The following SCUBE1 variants were observed in gnomAD, a reference collection of about 807,000 sequenced individuals.
SCUBE1 encodes the protein signal peptide, CUB domain and EGF like domain containing 1.
Under a neutral mutation model 124.4 loss-of-function variants are expected in SCUBE1, and 59 were observed. The ratio of observed to expected loss-of-function variants is 0.47; its 90% confidence interval spans 0.38 to 0.59. SCUBE1 has a LOEUF of 0.59. Ranked by LOEUF, SCUBE1 falls within the 20% of genes least tolerant of loss-of-function variation. The probability of loss-of-function intolerance (pLI) is 0.00; values close to 1 mark genes in which losing one functional copy is unlikely to be tolerated. For missense variants in SCUBE1, 1,150 were observed against 1,371.2 expected (o/e 0.84, Z 2.55); for synonymous variants, 545 against 550.9 (o/e 0.99, Z 0.15).
intron 15 of SCUBE1, among the ~76,000 whole-genome samples, chr22:43,215,338 G>C (rs1028001107): frequency 6.6e-6 from 1 of 152,218 alleles, no homozygotes; most frequent in Non-Finnish European, 1.5e-5. Context: ...AGGGGAATCT[G>C]AGTCTATAGG....
intron 21 of SCUBE1, 67 bp from the exon 22 acceptor site, chr22:43,204,216 G>A (rs533175489): frequency 4.1e-6 from 6 of 1,461,670 alleles, no homozygotes; most frequent in Non-Finnish European, 5.7e-6. Context: ...GGTGTTGCCA[G>A]GCTGGGGGAG....
At chr22:43,272,967 G>C (rs1334951561) in intron 4 of SCUBE1, among the ~76,000 whole-genome samples, 6 of 152,204 alleles carry the variant, frequency 3.9e-5, no homozygotes, top group Non-Finnish European at 8.8e-5. Context: ...CCCACTTTCG[G>C]TCAAGCTCAG....
chr22:43,255,419 C>G lies in SCUBE1; in HGVS notation c.727+2800G>C, dbSNP rs1233185814. ...CCCATGTCCACATGCCAGTGCGCAC[C>G]CGAGACACACATGTGCACACACACA... On this transcript the variant is annotated intron_variant, in intron 6 of 21. Coordinates refer to ENST00000360835, the MANE Select transcript of SCUBE1 (RefSeq NM_173050.5). This position sits in a 1 kb window ranked among gnomAD's most constrained non-coding sequence, Gnocchi z 4.7. 7.3e-7 allele frequency: 1 copy of G among 1,363,670 alleles called. No homozygotes were observed. The highest frequency in any genetic ancestry group is 1.0e-6 in the Non-Finnish European group (1 of 977,208). 84.5% of individuals were successfully genotyped at this position (1,363,670 alleles called of 1,614,324 possible). A position where few individuals can be genotyped will look rare whatever the true frequency, so the allele number is the denominator to read the frequency against.
chr22:43,240,899 T>A (rs1443311359), intron 6 of SCUBE1, among the ~76,000 whole-genome samples: 1 of 152,182 alleles, frequency 6.6e-6, no homozygotes, highest in Non-Finnish European at 1.5e-5. Flanking sequence ...GTGCCTGTTT[T>A]CCAGGTGGAG....
intron 2 of SCUBE1, among the ~76,000 whole-genome samples, 165 bp from the exon 3 acceptor site, chr22:43,320,230 C>A (rs544746775): frequency 6.6e-6 from 1 of 152,182 alleles, no homozygotes; most frequent in African/African-American, 2.4e-5. Context: ...AAATGCTAAT[C>A]ATGTGTGGGG....
intron 12 of SCUBE1, among the ~76,000 whole-genome samples, chr22:43,222,328 CT>C (rs1922123180): frequency 6.6e-6 from 1 of 152,244 alleles, no homozygotes; most frequent in South Asian, 2.1e-4. Context: ...GCAGATGTGG[CT>C]TGCTCCACCC....
chr22:43,330,977 C>G (rs915067244), intron 2 of SCUBE1, among the ~76,000 whole-genome samples: 1 of 152,172 alleles, frequency 6.6e-6, no homozygotes, highest in African/African-American at 2.4e-5. Context: ...CGCCTACTGC[C>G]TTTCCTGGCC....
chr22:43,287,126 G>C (rs1309614393), intron 4 of SCUBE1, among the ~76,000 whole-genome samples: 4 of 152,302 alleles, frequency 2.6e-5, no homozygotes, highest in African/African-American at 9.6e-5. Flanking sequence ...GTGGGAGGTA[G>C]GGGGTGCTAT....
In SCUBE1 at chr22:43,214,204, C is replaced by T. The variant is rs751613545; in HGVS notation, c.1939G>A (p.Val647Met). 3 of 1,613,130 alleles carry T rather than the reference C, an allele frequency of 1.9e-6. No individual in the cohort carries two copies. The South Asian group carries it at 3.3e-5, about 18-fold the overall frequency. ...THFGGELGQC[V>M]SCMPGTYQDM... ...TGGTATGTTCCTGGCATACATGACA[C>T]ACACTGGCCGAGCTCACCACCGAAG... The change falls in exon 16 of 22, where the codon GTG becomes ATG. Residue 647 changes from valine (V) to methionine (M), a missense_variant. By Grantham distance (21) the Val-to-Met change is conservative. Around this residue, in one of 3 missense-constraint regions of SCUBE1, gnomAD observed 757 missense variants for 840.9 expected, o/e 0.90. Coordinates refer to ENST00000360835, the MANE Select transcript of SCUBE1 (RefSeq NM_173050.5).
chr22:43,203,937 T>G lies in SCUBE1; in HGVS notation c.*60A>C. On this transcript the variant is annotated 3_prime_UTR_variant, in exon 22 of 22. Coordinates refer to ENST00000360835, the MANE Select transcript of SCUBE1 (RefSeq NM_173050.5). The stretch of plus-strand genomic sequence containing the variant: ...GTGGAGGCCCATGCAGCTCCCACTG[T>G]GGAGGGCAGGTGCACCCTCCGCGGA... 6.4e-6 allele frequency: 10 copies of G among 1,559,800 alleles called. No individual in the cohort carries two copies. Among genetic ancestry groups the G allele is most frequent in the Non-Finnish European group, 8.8e-6 (10 of 1,135,292 alleles).
intron 3 of SCUBE1, among the ~76,000 whole-genome samples, chr22:43,303,813 G>A (rs1925863298): frequency 6.6e-6 from 1 of 152,230 alleles, no homozygotes. Flanking sequence ...AGTTTAGACA[G>A]AACCACAGTC....
chr22:43,310,774 T>A (rs1380912724), intron 3 of SCUBE1, among the ~76,000 whole-genome samples: 1 of 152,258 alleles, frequency 6.6e-6, no homozygotes, highest in East Asian at 1.9e-4. Context: ...ACACATTTTT[T>A]AAAAACTTTT....
At position 43,281,435 on chromosome 22, in the gene SCUBE1, TTGGCCACCCTCCTGTCATCTC is replaced by T. The variant is rs1211517402; in HGVS notation, c.484+9590_484+9610del. Among the ~76,000 whole-genome samples the T allele has an allele frequency of 2.7e-4, 23 of 85,732 alleles. 2 individuals are homozygous for T. The highest frequency in any genetic ancestry group is 4.0e-3 in the East Asian group (2 of 500). The allele number at this position is 85,732 out of a possible 152,430, so 56.2% of individuals were successfully genotyped here. A position where few individuals can be genotyped will look rare whatever the true frequency, so the allele number is the denominator to read the frequency against. On this transcript the variant is annotated intron_variant, in intron 4 of 21. Transcript: ENST00000360835. ...CTCAGCCATCCTCCTGTCACCTCCC[TTGGCCACCCTCCTGTCATCTC>T]CCTCAGCCACCCTCCTGTCACCTCC...
intron 15 of SCUBE1, among the ~76,000 whole-genome samples, chr22:43,216,327 G>C (rs963490347): frequency 6.7e-6 from 1 of 150,318 alleles, no homozygotes; most frequent in Non-Finnish European, 1.5e-5. Context: ...GATTACAGGC[G>C]TGAGCTACCA....
At chr22:43,312,535 T>C (rs1926205803) in intron 3 of SCUBE1, among the ~76,000 whole-genome samples, 1 of 151,854 alleles carries the variant, frequency 6.6e-6, no homozygotes, top group Non-Finnish European at 1.5e-5. Context: ...CAAGCTACTG[T>C]GGAAGCAATG....
Position 43,212,478 on chromosome 22 carries a change from C to T in SCUBE1, c.2168G>A (p.Gly723Asp). ...GRTGCFPCGG[G>D]LLTKHEGTTS... ...GGTGCCTTCGTGTTTGGTGAGCAAA[C>T]CCCCTCCACAGGGGAAGCAGCCGGT... Residue 723 changes from glycine to aspartate, a missense_variant, in exon 17 of 22, where the codon GGT (glycine) becomes GAT (aspartate). Physicochemically the swap from Gly to Asp is moderately conservative, Grantham distance 94. This residue lies in a region of SCUBE1 where 757 missense variants were observed against 840.9 expected (regional missense o/e 0.90). Coordinates refer to ENST00000360835, the MANE Select transcript of SCUBE1 (RefSeq NM_173050.5). 2 of 1,554,212 alleles carry T rather than the reference C, an allele frequency of 1.3e-6. No homozygotes were observed. Among genetic ancestry groups the T allele is most frequent in the Non-Finnish European group, 8.7e-7 (1 of 1,148,864 alleles).
chr22:43,217,103 CCA>C (rs1392538138), intron 15 of SCUBE1, among the ~76,000 whole-genome samples: 17 of 94,970 alleles, frequency 1.8e-4, no homozygotes, highest in African/African-American at 4.3e-4. Context: ...ACAGCTTCCC[CCA>C]ACCCCCACCC....
At position 43,227,467 on chromosome 22, in the gene SCUBE1, T is replaced by G. The variant is rs1161702541; in HGVS notation, c.1114A>C (p.Ser372Arg). The change falls in exon 10 of 22, where the codon AGC becomes CGC. Residue 372 changes from serine to arginine, a missense_variant. Physicochemically the swap from Ser to Arg is moderately radical, Grantham distance 110. Transcript: ENST00000360835. ...DVDECSMSNG[S>R]CDQGCVNTKG... ...GTGTTGACGCAGCCCTGGTCACAGC[T>G]CCCGTTGCTCATGCTGCACTCGTCC... 3.1e-6 allele frequency: 5 copies of G among 1,612,788 alleles called. No homozygotes were observed. In the African/African-American group the frequency reaches 5.3e-5, roughly 17 times the overall value.
rs1225715987 is a variant in SCUBE1, at chr22:43,255,482, T to C, written c.727+2737A>G. 9 of 1,549,678 alleles carry C rather than the reference T, an allele frequency of 5.8e-6. No individual in the cohort carries two copies. The highest frequency in any genetic ancestry group is 7.8e-6 in the Non-Finnish European group (9 of 1,146,500). ...TACGACAAAGGAAGTGGAAGAAAAG[T>C]GTTACCCATGAGTAGCCGCCGTTTC... On this transcript the variant is annotated intron_variant, in intron 6 of 21. Transcript: ENST00000360835. The surrounding 1 kb of genome is among the most constrained non-coding windows in gnomAD (Gnocchi z 4.7).
Sources: allele counts gnomAD v4.1 joint callset (sites outside exome capture counted in the v4.1 genomes callset), GRCh38; gene constraint gnomAD v4.1.1; regional missense constraint gnomAD v4.1.1; non-coding constraint Gnocchi (gnomAD v3.1); transcripts MANE v1.5; gene names NCBI Gene and HGNC (gene_info 2026-07-23, HGNC 2026-07-21).